AFF3: variants seen among roughly 807,000 people sequenced by gnomAD.
The protein encoded by AFF3 is ALF transcription elongation factor 3, also known as AF4/FMR2 family member 3.
Under a neutral mutation model 129.7 loss-of-function variants are expected in AFF3, and 32 were observed. That is an observed-to-expected ratio of 0.25 (90% confidence interval 0.19 to 0.33). The LOEUF (loss-of-function observed/expected upper bound fraction) is 0.33, where lower values mean the gene tolerates loss of function less well. AFF3 is among the 10% of genes least tolerant of loss of function. The pLI is 1.00. For synonymous variants in AFF3, 644 were observed against 635.4 expected, an observed-to-expected ratio of 1.01 and a Z score of -0.20; for missense variants, 1,373 against 1,592.0, an observed-to-expected ratio of 0.86 and a Z score of 2.34.
intron 7 of AFF3, among the ~76,000 whole-genome samples, chr2:99,874,207 T>C (rs1352235525): frequency 5.3e-5 from 8 of 152,114 alleles, no homozygotes; most frequent in African/African-American, 1.7e-4. Flanking sequence ...CTCACTGTAA[T>C]TTCCCCTGAT....
chr2:99,882,894 G>A (rs889115123), intron 7 of AFF3, among the ~76,000 whole-genome samples: 9 of 152,212 alleles, frequency 5.9e-5, no homozygotes, highest in African/African-American at 2.2e-4. Context: ...ACTAATTAGT[G>A]AGGAAGAAGC....
At chr2:100,095,407 G>C (rs2105439260) in intron 4 of AFF3, among the ~76,000 whole-genome samples, 1 of 152,196 alleles carries the variant, frequency 6.6e-6, no homozygotes, top group South Asian at 2.1e-4. Context: ...TCATATAATG[G>C]ACTATGACGT....
intron 7 of AFF3, among the ~76,000 whole-genome samples, chr2:99,951,440 C>T (rs1386217749): frequency 4.6e-5 from 7 of 152,028 alleles, no homozygotes; most frequent in Non-Finnish European, 8.8e-5. Flanking sequence ...CATGAAATCC[C>T]GTATTTTTGT....
Position 99,936,128 on chromosome 2 carries a change from G to C in AFF3, c.873+70504C>G, listed in dbSNP as rs1448564389. Among the ~76,000 whole-genome samples, 2 of 152,128 alleles carry C rather than the reference G, an allele frequency of 1.3e-5. 1 individual carries two copies. Among genetic ancestry groups the C allele is most frequent in the East Asian group, 3.8e-4 (2 of 5,198 alleles). ...ACTAACTGGCTAATCTAACCCTCAG[G>C]AACTACAGCCTTTGGGGAAACAGAT... On this transcript the variant is annotated intron_variant, in intron 7 of 24. Coordinates refer to ENST00000672756, the MANE Select transcript of AFF3 (RefSeq NM_001386135.1).
chr2:99,843,704 A>G (rs1045875436), intron 7 of AFF3, among the ~76,000 whole-genome samples: 39 of 152,378 alleles, frequency 2.6e-4, no homozygotes, highest in African/African-American at 8.9e-4. Flanking sequence ...ACTCACTGTT[A>G]TTTTAAAATC....
intron 11 of AFF3, among the ~76,000 whole-genome samples, chr2:99,696,555 T>A (rs1213870166): frequency 6.6e-6 from 1 of 152,258 alleles, no homozygotes; most frequent in African/African-American, 2.4e-5. Context: ...TTCTTCCTTC[T>A]GTATTAGACA....
intron 7 of AFF3, among the ~76,000 whole-genome samples, chr2:99,883,764 A>C (rs910709882): frequency 6.6e-6 from 1 of 152,242 alleles, no homozygotes; most frequent in African/African-American, 2.4e-5. Context: ...GTCAGCAAGG[A>C]ACTAAAATTT....
chr2:99,603,721 C>T (rs1431310692), intron 13 of AFF3, among the ~76,000 whole-genome samples: 3 of 152,096 alleles, frequency 2.0e-5, no homozygotes, highest in African/African-American at 7.2e-5. Context: ...AAAATTTTTG[C>T]AAACTATGCA....
chr2:99,947,266 C>T (rs1675660639), intron 7 of AFF3, among the ~76,000 whole-genome samples: 1 of 152,026 alleles, frequency 6.6e-6, no homozygotes, highest in South Asian at 2.1e-4. Context: ...TATGATAAAA[C>T]CCCGTCTCTA....
At chr2:99,771,844 A>T (rs917747689) in intron 8 of AFF3, among the ~76,000 whole-genome samples, 9 of 152,200 alleles carry the variant, frequency 5.9e-5, no homozygotes, top group Non-Finnish European at 1.2e-4. Flanking sequence ...GTCACTTGTG[A>T]TACAGCCAGA....
chr2:100,003,556 G>A (rs1016111411), intron 7 of AFF3, among the ~76,000 whole-genome samples: 6 of 152,074 alleles, frequency 3.9e-5, no homozygotes, highest in Admixed American at 1.3e-4. Flanking sequence ...AAACTGAGTC[G>A]GAAAAAGCCA....
In AFF3 at chr2:99,548,102, A is replaced by T. The variant is rs556529875; in HGVS notation, c.*3372T>A. ...AGAGTAGTATCATCAAAAATGCCAA[A>T]TTTTGATCAGGAATATACCTGGACT... is the stretch of plus-strand genomic sequence containing the variant. On this transcript the variant is annotated 3_prime_UTR_variant, in exon 25 of 25. Coordinates refer to ENST00000672756, the MANE Select transcript of AFF3 (RefSeq NM_001386135.1). 2.0e-4 allele frequency: 40 copies of T among 205,124 alleles called. No individual in the cohort carries two copies. The highest frequency in any genetic ancestry group is 8.6e-4 in the African/African-American group (38 of 43,980). 12.7% of individuals were successfully genotyped at this position (205,124 alleles called of 1,614,324 possible). A position where few individuals can be genotyped will look rare whatever the true frequency, so the allele number is the denominator to read the frequency against.
At chr2:99,611,666 C>A (rs1199237475) in intron 13 of AFF3, among the ~76,000 whole-genome samples, 2 of 152,020 alleles carry the variant, frequency 1.3e-5, no homozygotes, top group African/African-American at 4.8e-5. Flanking sequence ...GCTGGTGGAT[C>A]ACTTGAGGTC....
chr2:100,057,686 G>A (rs1207812318), intron 4 of AFF3, among the ~76,000 whole-genome samples: 1 of 152,038 alleles, frequency 6.6e-6, no homozygotes, highest in African/African-American at 2.4e-5. Flanking sequence ...TAAACTCAAT[G>A]CTACCTCCCC....
chr2:99,956,640 A>AT (rs1003392230), intron 7 of AFF3, among the ~76,000 whole-genome samples: 5 of 152,240 alleles, frequency 3.3e-5, no homozygotes, highest in Non-Finnish European at 7.3e-5. Flanking sequence ...AATATGCCAG[A>AT]TTTTGACAAC....
intron 8 of AFF3, among the ~76,000 whole-genome samples, chr2:99,827,459 C>T (rs1688177795): frequency 6.6e-6 from 1 of 152,030 alleles, no homozygotes; most frequent in South Asian, 2.1e-4. Context: ...TGGGGAAATG[C>T]TCTCTGTACT....
intron 20 of AFF3, 137 bp from the exon 21 acceptor site, chr2:99,560,573 G>T: frequency 1.3e-6 from 1 of 796,420 alleles, no homozygotes; most frequent in Non-Finnish European, 2.0e-6. Context: ...AGTACTTGCT[G>T]ATAATTCTTT....
chr2:100,037,777 AT>A (rs1242572202), intron 4 of AFF3, among the ~76,000 whole-genome samples: 9 of 134,434 alleles, frequency 6.7e-5, no homozygotes, highest in Admixed American at 1.7e-4. Context: ...AAATATATTT[AT>A]TTTTATATAT....
chr2:99,595,173 A>G (rs1489202026), intron 14 of AFF3, among the ~76,000 whole-genome samples: 3 of 152,228 alleles, frequency 2.0e-5, no homozygotes, highest in Admixed American at 2.0e-4. Context: ...ATGTCTCAGA[A>G]GCAAAAAAAA....
Sources: allele counts gnomAD v4.1 joint callset (sites outside exome capture counted in the v4.1 genomes callset), GRCh38; gene constraint gnomAD v4.1.1; transcripts MANE v1.5; gene names NCBI Gene and HGNC (gene_info 2026-07-23, HGNC 2026-07-21).